The following HMGCLL1 variants were observed in gnomAD, a reference collection of about 807,000 sequenced individuals.
HMGCLL1 encodes 3-hydroxy-3-methylglutaryl-CoA lyase like 1, also known as 3-hydroxymethyl-3-methylglutaryl-CoA lyase, cytoplasmic.
In HMGCLL1, 36 loss-of-function variants were observed where a neutral mutation model predicts 39.1. The observed-to-expected ratio is 0.92, with a 90% CI of 0.71 to 1.22. The LOEUF (loss-of-function observed/expected upper bound fraction) is 1.22. Among genes scored for constraint, HMGCLL1 ranks in the 50% most tolerant of loss-of-function variants. HMGCLL1 has a pLI of 0.00. For missense variants in HMGCLL1, 451 were observed against 416.5 expected, an observed-to-expected ratio of 1.08 and a Z score of -0.72; for synonymous variants, 149 against 144.0, an observed-to-expected ratio of 1.03 and a Z score of -0.25.
chr6:55,482,214 A>G (rs1765787562), intron 7 of HMGCLL1, among the ~76,000 whole-genome samples: 1 of 152,146 alleles, frequency 6.6e-6, no homozygotes, highest in Admixed American at 6.6e-5. Context: ...ATTATTTTGA[A>G]TTAACATGGT....
chr6:55,475,084 G>C (rs1252518886), intron 7 of HMGCLL1, among the ~76,000 whole-genome samples: 1 of 151,506 alleles, frequency 6.6e-6, no homozygotes, highest in African/African-American at 2.4e-5. Context: ...TGTTTCTCCA[G>C]TGGTATCAAC....
chr6:55,540,650 G>C (rs4382261), intron 3 of HMGCLL1, among the ~76,000 whole-genome samples: 98,597 of 151,994 alleles, frequency 0.65, 32,265 homozygotes, highest in Admixed American at 0.71. Context: ...GTATCCCTAA[G>C]TGACTACGAC....
the HMGCLL1 span, among the ~76,000 whole-genome samples, chr6:55,588,952 T>G: frequency 6.6e-6 from 1 of 151,404 alleles, no homozygotes; most frequent in African/African-American, 2.4e-5. Context: ...ACCAGATGGA[T>G]TCACAGCCGA....
chr6:55,482,907 T>G (rs1440405751), intron 7 of HMGCLL1, among the ~76,000 whole-genome samples: 1 of 151,986 alleles, frequency 6.6e-6, no homozygotes, highest in Non-Finnish European at 1.5e-5. Flanking sequence ...TGCAAATAAA[T>G]ATAAGAATGT....
chr6:55,654,140 C>T, the HMGCLL1 span, among the ~76,000 whole-genome samples: 7 of 151,772 alleles, frequency 4.6e-5, no homozygotes, highest in Admixed American at 3.3e-4. Context: ...TACCTTTCAG[C>T]GAAAGCCTAC....
chr6:55,487,418 G>T (rs996463025), intron 7 of HMGCLL1, among the ~76,000 whole-genome samples: 1 of 151,870 alleles, frequency 6.6e-6, no homozygotes, highest in African/African-American at 2.4e-5. Context: ...CCTACATTAG[G>T]TATTTCTCCT....
At chr6:55,461,129 T>C (rs1294206050) in intron 7 of HMGCLL1, among the ~76,000 whole-genome samples, 1 of 151,982 alleles carries the variant, frequency 6.6e-6, no homozygotes, top group Admixed American at 6.6e-5. Context: ...TTTGGAGTGC[T>C]TTGTTGACAA....
intron 1 of HMGCLL1, 151 bp downstream of exon 1, chr6:55,578,797 G>GGA: frequency 3.1e-6 from 2 of 641,078 alleles, no homozygotes; most frequent in Non-Finnish European, 5.6e-6. Context: ...CCGTTTAAGG[G>GGA]GTGCGGCCTA....
chr6:55,552,463 T>C (rs4445058), intron 1 of HMGCLL1, among the ~76,000 whole-genome samples: 100,902 of 151,706 alleles, frequency 0.67, 34,059 homozygotes, highest in Admixed American at 0.72. Flanking sequence ...ATAAAAAATA[T>C]ATTTTCCATC....
intron 3 of HMGCLL1, among the ~76,000 whole-genome samples, chr6:55,524,528 G>A (rs1171415275): frequency 6.7e-6 from 1 of 149,304 alleles, no homozygotes. Flanking sequence ...CCCTACAAGT[G>A]GTTGGCCATA....
upstream of HMGCLL1, among the ~76,000 whole-genome samples, chr6:55,580,406 C>CTTTTTTTTTT (rs145371462): frequency 4.6e-4 from 34 of 73,278 alleles, no homozygotes; most frequent in African/African-American, 5.8e-4. Flanking sequence ...TTTTTTCTTT[C>CTTTTTTTTTT]TTTTTTTTTT....
chr6:55,573,009 C>T (rs2127477466), intron 1 of HMGCLL1, among the ~76,000 whole-genome samples: 1 of 152,244 alleles, frequency 6.6e-6, no homozygotes, highest in South Asian at 2.1e-4. Flanking sequence ...ATCAGATCTT[C>T]CAGGAGCCTA....
intron 7 of HMGCLL1, among the ~76,000 whole-genome samples, chr6:55,442,916 A>C (rs1383272850): frequency 2.0e-5 from 3 of 152,200 alleles, no homozygotes; most frequent in Non-Finnish European, 2.9e-5. Flanking sequence ...TGATATAAAC[A>C]GGCAGGGGCA....
Position 55,495,015 on chromosome 6 carries a change from A to T in HMGCLL1, c.795+404T>A, listed in dbSNP as rs1177295454. On this transcript the variant is annotated intron_variant, in intron 7 of 8. Coordinates refer to ENST00000274901, the MANE Select transcript of HMGCLL1 (RefSeq NM_001042406.2). The stretch of plus-strand genomic sequence containing the variant: ...GCACCAGATCTTCCCATCATAGAGC[A>T]TGAAATCACCAAAGAAAGCATTGTT... Among the ~76,000 whole-genome samples, 3 of 152,228 alleles carry T rather than the reference A, an allele frequency of 2.0e-5. No homozygotes were observed. In the East Asian group the frequency reaches 5.8e-4, roughly 29 times the overall value.
At chr6:55,625,084 G>A in the HMGCLL1 span, among the ~76,000 whole-genome samples, 1 of 152,092 alleles carries the variant, frequency 6.6e-6, no homozygotes, top group African/African-American at 2.4e-5. Context: ...GTTCCAATAG[G>A]TGAATCGCCG....
chr6:55,470,316 C>A (rs2127402788), intron 7 of HMGCLL1, among the ~76,000 whole-genome samples: 1 of 151,952 alleles, frequency 6.6e-6, no homozygotes, highest in African/African-American at 2.4e-5. Flanking sequence ...ATTTTACCAG[C>A]CACATTTTTT....
chr6:55,585,891 C>A, the HMGCLL1 span, among the ~76,000 whole-genome samples: 5 of 152,148 alleles, frequency 3.3e-5, no homozygotes, highest in East Asian at 7.7e-4. Flanking sequence ...CCTGTGGCAA[C>A]ATCTTAAGAA....
At chr6:55,623,978 C>T in the HMGCLL1 span, among the ~76,000 whole-genome samples, 2 of 151,982 alleles carry the variant, frequency 1.3e-5, no homozygotes, top group Non-Finnish European at 2.9e-5. Flanking sequence ...CTCCATTAGC[C>T]CCTACTTTAC....
intron 1 of HMGCLL1, among the ~76,000 whole-genome samples, chr6:55,565,352 T>A (rs1771162575): frequency 6.6e-6 from 1 of 152,130 alleles, no homozygotes; most frequent in Non-Finnish European, 1.5e-5. Context: ...GAAATTATTT[T>A]GCTACTTGGT....
Sources: gnomAD v4.1 joint callset for allele counts (sites outside exome capture counted in the v4.1 genomes callset) on GRCh38, gnomAD v4.1.1 for gene constraint, MANE v1.5 for transcripts, NCBI Gene and HGNC (gene_info 2026-07-23, HGNC 2026-07-21) for gene names.